PCDH9: variants seen among roughly 807,000 people sequenced by gnomAD.
PCDH9 encodes the protein protocadherin-9.
A neutral mutation model predicts 70.6 loss-of-function variants in PCDH9; 24 were observed. That is an observed-to-expected ratio of 0.34 (90% CI 0.25 to 0.48). The LOEUF (loss-of-function observed/expected upper bound fraction) is 0.48. Among genes scored for constraint, PCDH9 ranks in the 20% least tolerant of loss-of-function variants. PCDH9 has a pLI of 0.99. For missense variants in PCDH9, 1,281 were observed against 1,503.6 expected, an observed-to-expected ratio of 0.85 and a Z score of 2.45; for synonymous variants, 562 against 558.5, an observed-to-expected ratio of 1.01 and a Z score of -0.09.
chr13:67,002,858 C>T (rs1319904873), intron 2 of PCDH9, among the ~76,000 whole-genome samples: 1 of 151,822 alleles, frequency 6.6e-6, no homozygotes, highest in East Asian at 1.9e-4. Context: ...AATTATCAGG[C>T]TATCTGATCT....
intron 4 of PCDH9, among the ~76,000 whole-genome samples, chr13:66,322,628 T>C (rs1955774944): frequency 6.6e-6 from 1 of 152,072 alleles, no homozygotes; most frequent in African/African-American, 2.4e-5. Flanking sequence ...GGTGACTGCA[T>C]GATAGAATCC....
At chr13:66,877,882 T>C (rs1156329880) in intron 3 of PCDH9, among the ~76,000 whole-genome samples, 2 of 152,130 alleles carry the variant, frequency 1.3e-5, no homozygotes, top group Non-Finnish European at 2.9e-5. Flanking sequence ...ACTTCCTCAC[T>C]TCAATGACTC....
intron 2 of PCDH9, chr13:67,203,076 T>C (rs941414672): frequency 3.9e-5 from 6 of 152,144 alleles, no homozygotes; most frequent in African/African-American, 1.4e-4. Flanking sequence ...CTGTAAAGTA[T>C]GTACACATTT....
chr13:66,417,697 A>T (rs1957485124), intron 4 of PCDH9, among the ~76,000 whole-genome samples: 1 of 152,116 alleles, frequency 6.6e-6, no homozygotes, highest in Non-Finnish European at 1.5e-5. Flanking sequence ...AATGATTGCC[A>T]TCTAACTGGC....
intron 4 of PCDH9, among the ~76,000 whole-genome samples, chr13:66,558,828 A>C (rs888607785): frequency 2.0e-5 from 3 of 152,140 alleles, no homozygotes; most frequent in African/African-American, 7.2e-5. Flanking sequence ...AAAAGTTCAA[A>C]TGGCTTATTC....
intron 3 of PCDH9, among the ~76,000 whole-genome samples, chr13:66,866,430 T>A (rs557640775): frequency 6.6e-6 from 1 of 151,028 alleles, no homozygotes; most frequent in African/African-American, 2.4e-5. Context: ...TGCAGTGAGC[T>A]GAGATTGCGC....
intron 2 of PCDH9, among the ~76,000 whole-genome samples, chr13:67,153,053 A>G (rs1041516686): frequency 7.9e-5 from 12 of 151,836 alleles, no homozygotes; most frequent in African/African-American, 2.9e-4. Context: ...GTTTATGGAC[A>G]TGCTCGCCTC....
chr13:66,426,008 T>C (rs1226863069), intron 4 of PCDH9, among the ~76,000 whole-genome samples: 1 of 151,638 alleles, frequency 6.6e-6, no homozygotes, highest in Non-Finnish European at 1.5e-5. Flanking sequence ...TAATAAATTA[T>C]AGCTATGTTC....
At chr13:66,428,771 A>G (rs1468600325) in intron 4 of PCDH9, among the ~76,000 whole-genome samples, 1 of 151,838 alleles carries the variant, frequency 6.6e-6, no homozygotes, top group African/African-American at 2.4e-5. Context: ...TTAGATTATT[A>G]AATTCAGCTC....
At chr13:66,315,815 C>T (rs903959171) in intron 4 of PCDH9, among the ~76,000 whole-genome samples, 1 of 152,142 alleles carries the variant, frequency 6.6e-6, no homozygotes, top group East Asian at 1.9e-4. Flanking sequence ...TTGCTTCTTC[C>T]CCATTTTCTC....
chr13:66,520,604 C>G (rs1346817156), intron 4 of PCDH9, among the ~76,000 whole-genome samples: 3 of 152,152 alleles, frequency 2.0e-5, no homozygotes, highest in Non-Finnish European at 4.4e-5. Context: ...GATTATTTAG[C>G]TGATCCTTTC....
intron 3 of PCDH9, among the ~76,000 whole-genome samples, chr13:66,872,831 G>A (rs1466788874): frequency 3.3e-5 from 5 of 152,010 alleles, no homozygotes; most frequent in South Asian, 4.1e-4. Context: ...CTCAAAGAAC[G>A]TGCTCTTCTG....
chr13:66,472,754 C>A (rs1958644472), intron 4 of PCDH9, among the ~76,000 whole-genome samples: 1 of 152,082 alleles, frequency 6.6e-6, no homozygotes, highest in African/African-American at 2.4e-5. Context: ...GTTTAAGCAT[C>A]CAAGCCTGTC....
chr13:66,500,977 A>G (rs1446144040), intron 4 of PCDH9, among the ~76,000 whole-genome samples: 1 of 152,138 alleles, frequency 6.6e-6, no homozygotes, highest in Non-Finnish European at 1.5e-5. Flanking sequence ...GATCTGAAAT[A>G]CAATGATTCA....
At chr13:67,092,567 T>C (rs2086239092) in intron 2 of PCDH9, among the ~76,000 whole-genome samples, 1 of 152,158 alleles carries the variant, frequency 6.6e-6, no homozygotes, top group Admixed American at 6.6e-5. Flanking sequence ...CTCATAACTC[T>C]TCCCCTGTAC....
chr13:66,922,806 C>A (rs2082658218), intron 2 of PCDH9, among the ~76,000 whole-genome samples: 1 of 151,364 alleles, frequency 6.6e-6, no homozygotes, highest in South Asian at 2.1e-4. Flanking sequence ...ATAGAGCCAA[C>A]CACAACTTGT....
intron 4 of PCDH9, among the ~76,000 whole-genome samples, chr13:66,556,499 G>C (rs533678580): frequency 6.6e-6 from 1 of 152,212 alleles, no homozygotes; most frequent in South Asian, 2.1e-4. Context: ...AAACTGGTCA[G>C]ATGACCCTGC....
At chr13:66,686,151 G>A (rs760982614) in intron 3 of PCDH9, among the ~76,000 whole-genome samples, 14 of 152,164 alleles carry the variant, frequency 9.2e-5, no homozygotes, top group Non-Finnish European at 1.8e-4. Context: ...ATCTTGAATT[G>A]TAGTTCCCAT....
intron 4 of PCDH9, among the ~76,000 whole-genome samples, chr13:66,575,159 A>G (rs1252011325): frequency 6.6e-6 from 1 of 152,024 alleles, no homozygotes; most frequent in African/African-American, 2.4e-5. Flanking sequence ...GGTGACAAGA[A>G]TGGAATTCCA....
Sources: allele counts gnomAD v4.1 joint callset (sites outside exome capture counted in the v4.1 genomes callset), GRCh38; gene constraint gnomAD v4.1.1; transcripts MANE v1.5; gene names NCBI Gene and HGNC (gene_info 2026-07-23, HGNC 2026-07-21).